The following MTMR8 variants were observed in gnomAD, a reference collection of about 807,000 sequenced individuals.
The protein encoded by MTMR8 is myotubularin related protein 8, also known as phosphatidylinositol-3,5-bisphosphate 3-phosphatase MTMR8.
MTMR8 carries 65 observed loss-of-function variants against 39.3 expected under a neutral mutation model. The observed-to-expected ratio is 1.65, with a 90% CI of 1.35 to 2.03. The LOEUF (loss-of-function observed/expected upper bound fraction) is 2.03. Ranked by LOEUF, MTMR8 falls within the 30% of genes most tolerant of loss-of-function variation. The pLI, the probability that MTMR8 is intolerant of heterozygous loss-of-function variation, is 0.00. For synonymous variants in MTMR8, 245 were observed against 185.2 expected (o/e 1.32, Z -2.62); for missense variants, 777 against 538.9 (o/e 1.44, Z -4.37).
intron 1 of MTMR8, among the ~76,000 whole-genome samples, chrX:64,390,475 A>T (rs1286761724): frequency 2.7e-5 from 3 of 111,962 alleles, no homozygotes; most frequent in Admixed American, 9.5e-5. Flanking sequence ...AACAATTAAA[A>T]GACAATGCTA....
At chrX:64,285,754 A>G (rs1219250055) in intron 12 of MTMR8, among the ~76,000 whole-genome samples, 2 of 111,856 alleles carry the variant, frequency 1.8e-5, no homozygotes, top group African/African-American at 6.5e-5. Context: ...GAAGGCAGAA[A>G]TGAAGATGTT....
intron 1 of MTMR8, among the ~76,000 whole-genome samples, chrX:64,367,193 G>A (rs1923990281): frequency 1.8e-5 from 2 of 111,790 alleles, no homozygotes; most frequent in African/African-American, 6.5e-5. Flanking sequence ...AAGAGGAGCT[G>A]GCACCATCCT....
rs1923402194 is a variant in MTMR8, at chrX:64,348,519, T to G, written c.732+141A>C. The stretch of plus-strand genomic sequence containing the variant: ...ATAAAAGGAGCCCCAAATGGCTTCC[T>G]GAAATGATTTTACACAATGTCTGAC... On this transcript the variant is annotated intron_variant, in intron 6 of 13. Transcript: ENST00000374852. 3.8e-6 allele frequency: 3 copies of G among 794,733 alleles called. No individual in the cohort carries two copies. The African/African-American group carries it at 6.3e-5, about 17-fold the overall frequency. The allele number at this position is 794,733 out of a possible 1,213,427, so 65.5% of individuals were successfully genotyped here.
chrX:64,388,449 G>T (rs750889301), intron 1 of MTMR8, among the ~76,000 whole-genome samples: 1 of 112,173 alleles, frequency 8.9e-6, no homozygotes, highest in African/African-American at 3.2e-5. Flanking sequence ...GAATACTTTT[G>T]TGTCAAGATG....
At chrX:64,383,830 T>C (rs1455633177) in intron 1 of MTMR8, among the ~76,000 whole-genome samples, 1 of 110,993 alleles carries the variant, frequency 9.0e-6, no homozygotes, top group Non-Finnish European at 1.9e-5. Flanking sequence ...CCAAACCATA[T>C]CATTCTGCTC....
intron 12 of MTMR8, among the ~76,000 whole-genome samples, chrX:64,302,243 G>A (rs893869872): frequency 1.2e-4 from 14 of 112,685 alleles, no homozygotes; most frequent in Non-Finnish European, 2.1e-4. Flanking sequence ...GACCCTCCGA[G>A]CCAGGTGTGG....
chrX:64,332,650 A>G (rs1428028902), intron 10 of MTMR8, among the ~76,000 whole-genome samples: 1 of 111,767 alleles, frequency 8.9e-6, no homozygotes, highest in African/African-American at 3.3e-5. Context: ...GCTGTCTTCT[A>G]GAATCTCTGT....
chrX:64,281,156 T>C (rs957761349), intron 12 of MTMR8, among the ~76,000 whole-genome samples: 2 of 111,478 alleles, frequency 1.8e-5, no homozygotes, highest in African/African-American at 6.5e-5. Flanking sequence ...GCTCTTCCCA[T>C]CAAAGAACTA....
intron 1 of MTMR8, among the ~76,000 whole-genome samples, chrX:64,382,956 C>T (rs944376090): frequency 3.6e-5 from 4 of 110,824 alleles, no homozygotes; most frequent in Non-Finnish European, 7.5e-5. Flanking sequence ...AGGATGAGAA[C>T]ACATTCATCC....
intron 12 of MTMR8, chrX:64,305,635 G>A: frequency 1.9e-6 from 1 of 533,481 alleles, no homozygotes; most frequent in South Asian, 2.3e-5. Context: ...GGAACCAAAT[G>A]AGGAACTATT....
intron 1 of MTMR8, among the ~76,000 whole-genome samples, chrX:64,375,745 C>G (rs915440834): frequency 3.6e-5 from 4 of 111,785 alleles, no homozygotes; most frequent in Non-Finnish European, 7.5e-5. Context: ...AATCTGCATG[C>G]ATCTTATCTT....
intron 4 of MTMR8, among the ~76,000 whole-genome samples, chrX:64,353,801 C>T (rs775623563): frequency 1.2e-4 from 13 of 110,286 alleles, no homozygotes; most frequent in African/African-American, 2.6e-4. Context: ...GGTGTGGGTG[C>T]TTATGGTCCC....
At chrX:64,276,054 G>A (rs1430682664) in intron 12 of MTMR8, among the ~76,000 whole-genome samples, 1 of 111,811 alleles carries the variant, frequency 8.9e-6, no homozygotes, top group Admixed American at 9.5e-5. Flanking sequence ...TTTAAATTGT[G>A]TCTATTTGAT....
intron 8 of MTMR8, among the ~76,000 whole-genome samples, chrX:64,342,101 G>A (rs1056768158): frequency 4.5e-5 from 5 of 112,058 alleles, no homozygotes; most frequent in Non-Finnish European, 9.4e-5. Context: ...AGGATTTTGA[G>A]TTTAAAGTGA....
chrX:64,305,925 G>A (rs1413717249), intron 12 of MTMR8: 2 of 223,381 alleles, frequency 9.0e-6, no homozygotes, highest in South Asian at 7.0e-5. Context: ...GACCAGCCTA[G>A]GCAACATGGT....
intron 1 of MTMR8, among the ~76,000 whole-genome samples, chrX:64,388,853 T>G (rs1268168834): frequency 8.9e-6 from 1 of 112,188 alleles, no homozygotes; most frequent in African/African-American, 3.2e-5. Context: ...TCCACAGTGT[T>G]TGTGGTGTTA....
chrX:64,357,087 G>A (rs1028180692), intron 2 of MTMR8, among the ~76,000 whole-genome samples: 6 of 112,042 alleles, frequency 5.4e-5, no homozygotes, highest in Non-Finnish European at 9.4e-5. Flanking sequence ...AAAGGGAACT[G>A]ATGAAACAAA....
chrX:64,367,423 G>C (rs1924001200), intron 1 of MTMR8, among the ~76,000 whole-genome samples: 1 of 111,656 alleles, frequency 9.0e-6, no homozygotes, highest in Non-Finnish European at 1.9e-5. Context: ...GATCAATTTG[G>C]CTTCATCCCT....
At chrX:64,349,330 C>T (rs995312016) in intron 5 of MTMR8, among the ~76,000 whole-genome samples, 2 of 111,512 alleles carry the variant, frequency 1.8e-5, no homozygotes, top group Admixed American at 9.6e-5. Context: ...TCATGAAATT[C>T]GTTACACTTT....
Sources: allele counts gnomAD v4.1 joint callset (sites outside exome capture counted in the v4.1 genomes callset), GRCh38; gene constraint gnomAD v4.1.1; transcripts MANE v1.5; gene names NCBI Gene and HGNC (gene_info 2026-07-23, HGNC 2026-07-21).